Variants in E2F6 observed in about 807,000 individuals in gnomAD.
E2F6 encodes transcription factor E2F6.
Under a neutral mutation model 31.5 loss-of-function variants are expected in E2F6, and 19 were observed. The observed-to-expected ratio is 0.60, with a 90% CI of 0.42 to 0.89. E2F6 has a LOEUF of 0.89. Ranked by LOEUF, E2F6 falls within the 40% of genes least tolerant of loss-of-function variation. The pLI, the probability that E2F6 is intolerant of heterozygous loss-of-function variation, is 0.00. For missense variants in E2F6, 269 were observed against 341.6 expected, an observed-to-expected ratio of 0.79 and a Z score of 1.67; for synonymous variants, 121 against 127.7, an observed-to-expected ratio of 0.95 and a Z score of 0.36.
Position 11,446,462 on chromosome 2 carries a change from A to C in E2F6, c.*15T>G, listed in dbSNP as rs1311606096. On this transcript the variant is annotated 3_prime_UTR_variant, in exon 7 of 7. Transcript: ENST00000381525. ...TTCCCAAAAAACTCAGTGATACATAAATTCTCAAATGCCATCAGTTGCTTA... is the reference window on the plus strand; with the variant it reads ...TTCCCAAAAAACTCAGTGATACATACATTCTCAAATGCCATCAGTTGCTTA... 3 of 1,594,158 alleles carry C rather than the reference A, an allele frequency of 1.9e-6. No individual in the cohort carries two copies. The highest frequency in any genetic ancestry group is 2.6e-6 in the Non-Finnish European group (3 of 1,165,820).
intron 1 of E2F6, among the ~76,000 whole-genome samples, chr2:11,462,954 G>C (rs1008820211): frequency 2.0e-5 from 3 of 152,220 alleles, no homozygotes; most frequent in African/African-American, 7.2e-5. Context: ...GGAAGGTCTA[G>C]TAGACAGCTG....
intron 5 of E2F6, 90 bp downstream of exon 5, chr2:11,449,922 C>T (rs1181019274): frequency 6.1e-6 from 6 of 980,194 alleles, no homozygotes; most frequent in East Asian, 2.5e-5. Flanking sequence ...GTGCACACAA[C>T]GGCTCTTAAG....
chr2:11,450,111 G>A lies in E2F6; in HGVS notation c.552C>T (p.Thr184=). The change falls in exon 5 of 7, where the codon ACC becomes ACT. Residue 184 remains threonine, a synonymous_variant. Coordinates refer to ENST00000381525, the MANE Select transcript of E2F6 (RefSeq NM_198256.4). The part of the protein sequence containing the change: ...DKENERLAYV[T]YQDIHSIQAF... Reference sequence around the variant, plus strand: ...CCTGAATGCTATGAATGTCTTGATAGGTCACATATGCTAGTGTAAAACTCA... The same window carrying A: ...CCTGAATGCTATGAATGTCTTGATAAGTCACATATGCTAGTGTAAAACTCA... 3 of 1,611,064 alleles carry A rather than the reference G, an allele frequency of 1.9e-6. No homozygotes were observed. The highest frequency in any genetic ancestry group is 2.5e-6 in the Non-Finnish European group (3 of 1,177,660).
intron 2 of E2F6, chr2:11,455,443 TA>T: frequency 7.7e-7 from 1 of 1,295,398 alleles, no homozygotes; most frequent in Non-Finnish European, 1.0e-6. Flanking sequence ...TTTCATAATA[TA>T]AATGTCTTCT....
intron 1 of E2F6, chr2:11,458,453 G>T (rs1009301404): frequency 8.6e-5 from 106 of 1,233,370 alleles, no homozygotes; most frequent in Non-Finnish European, 1.2e-4. Flanking sequence ...CACTGAAGTG[G>T]CCAGTGTGTA....
chr2:11,465,669 GCAGACGACC>G lies in E2F6; in HGVS notation c.108+94_108+102del, dbSNP rs1043218328. The G allele has an allele frequency of 1.2e-5, 14 of 1,211,436 alleles. No homozygotes were observed. In the African/African-American group the frequency reaches 2.1e-4, roughly 18 times the overall value. 75.0% of individuals were successfully genotyped at this position (1,211,436 alleles called of 1,614,324 possible). ...ATGGGCAGCGCCTGGCCCAGGGGGA[GCAGACGACC>G]CAGACGACGGCCAGCGGGGTTGGCG... On this transcript the variant is annotated intron_variant, in intron 1 of 6. Transcript: ENST00000381525.
intron 1 of E2F6, among the ~76,000 whole-genome samples, chr2:11,459,098 A>G (rs1053208859): frequency 1.4e-5 from 2 of 144,364 alleles, no homozygotes; most frequent in African/African-American, 5.0e-5. Flanking sequence ...TCTTGAATGG[A>G]AAAAAAAAAA....
At position 11,465,661 on chromosome 2, in the gene E2F6, CA is replaced by C. The variant is rs202238571; in HGVS notation, c.108+110del. 670 of 1,113,740 alleles carry C rather than the reference CA, an allele frequency of 6.0e-4. 3 individuals are homozygous for C. In the East Asian group the frequency reaches 0.014, roughly 23 times the overall value. The allele number at this position is 1,113,740 out of a possible 1,614,324, so 69.0% of individuals were successfully genotyped here. ...AGCACGTGATGGGCAGCGCCTGGCC[CA>C]GGGGGAGCAGACGACCCAGACGACG... On this transcript the variant is annotated intron_variant, in intron 1 of 6. Transcript: ENST00000381525.
At chr2:11,447,532 G>T in intron 6 of E2F6, 95 bp downstream of exon 6, 3 of 1,345,616 alleles carry the variant, frequency 2.2e-6, no homozygotes, top group Non-Finnish European at 3.1e-6. Flanking sequence ...TGTTTTTGTG[G>T]CTAGGAAGAG....
chr2:11,454,065 C>T (rs1303775762), intron 2 of E2F6, among the ~76,000 whole-genome samples: 1 of 152,180 alleles, frequency 6.6e-6, no homozygotes, highest in Non-Finnish European at 1.5e-5. Context: ...TGTGGACTTT[C>T]ACAAGTCTAC....
At chr2:11,461,078 G>A (rs6709507) in intron 1 of E2F6, among the ~76,000 whole-genome samples, 6,382 of 152,204 alleles carry the variant, frequency 0.042, 223 homozygotes, top group Non-Finnish European at 0.061. Flanking sequence ...TGTCTTGTCC[G>A]GGAACTGTTT....
intron 1 of E2F6, among the ~76,000 whole-genome samples, chr2:11,461,960 A>C (rs1266331982): frequency 6.6e-6 from 1 of 152,246 alleles, no homozygotes; most frequent in African/African-American, 2.4e-5. Context: ...TAAGCAGTGA[A>C]TTAGAATAAA....
intron 3 of E2F6, 62 bp downstream of exon 3, chr2:11,453,520 G>T: frequency 6.9e-7 from 1 of 1,447,446 alleles, no homozygotes; most frequent in Non-Finnish European, 9.7e-7. Context: ...TCTAGTTTAA[G>T]CATGGAATTG....
chr2:11,458,361 GAGA>G, intron 1 of E2F6: 1 of 1,551,650 alleles, frequency 6.4e-7, no homozygotes, highest in Non-Finnish European at 8.7e-7. Context: ...ACTGTGGGGA[GAGA>G]AGAAAAAAGA....
Position 11,466,159 on chromosome 2 carries a change from A to C in E2F6, c.-280T>G. On this transcript the variant is annotated 5_prime_UTR_variant, in exon 1 of 7. Coordinates refer to ENST00000381525, the MANE Select transcript of E2F6 (RefSeq NM_198256.4). ...CGCCATCTTCCCGCATGCGCAGTACACCGCCCCCCTCTGCGCATGCCCGCC... is the reference window on the plus strand; with the variant it reads ...CGCCATCTTCCCGCATGCGCAGTACCCCGCCCCCCTCTGCGCATGCCCGCC... The C allele has an allele frequency of 8.9e-5, 31 of 347,808 alleles. No homozygotes were observed. The highest frequency in any genetic ancestry group is 3.2e-4 in the East Asian group (6 of 18,828). 21.5% of individuals were successfully genotyped at this position (347,808 alleles called of 1,614,324 possible).
Position 11,466,000 on chromosome 2 carries a change from C to A in E2F6, c.-121G>T. The A allele has an allele frequency of 2.2e-6, 2 of 892,342 alleles. No homozygotes were observed. Among genetic ancestry groups the A allele is most frequent in the South Asian group, 4.3e-5 (2 of 46,648 alleles). The allele number at this position is 892,342 out of a possible 1,614,324, so 55.3% of individuals were successfully genotyped here. ...AAGGGCCCAGCACCTAAGGGGTCCG[C>A]GGCTTCCTCCGAGGCGCCGCCCGGC... is the stretch of plus-strand genomic sequence containing the variant. On this transcript the variant is annotated 5_prime_UTR_variant, in exon 1 of 7. Transcript: ENST00000381525.
chr2:11,447,086 C>T (rs1188683376), intron 6 of E2F6, among the ~76,000 whole-genome samples: 1 of 152,210 alleles, frequency 6.6e-6, no homozygotes, highest in Admixed American at 6.5e-5. Context: ...CAGGCAATTC[C>T]ACTATTTGGG....
chr2:11,449,793 C>A (rs983239546), intron 5 of E2F6, among the ~76,000 whole-genome samples: 15 of 152,218 alleles, frequency 9.9e-5, no homozygotes, highest in Admixed American at 2.6e-4. Context: ...AAAAAGTTAA[C>A]TCATCTTTGT....
intron 1 of E2F6, among the ~76,000 whole-genome samples, chr2:11,457,880 CA>C (rs1335052050): frequency 2.6e-5 from 4 of 152,172 alleles, no homozygotes; most frequent in African/African-American, 9.6e-5. Context: ...CAATGGAAAA[CA>C]ATGCATGCTG....
Sources: gnomAD v4.1 joint callset for allele counts (sites outside exome capture counted in the v4.1 genomes callset) on GRCh38, gnomAD v4.1.1 for gene constraint, MANE v1.5 for transcripts, NCBI Gene and HGNC (gene_info 2026-07-23, HGNC 2026-07-21) for gene names.